Variants in RYR2 observed in about 807,000 individuals in gnomAD.
RYR2 encodes cardiac muscle ryanodine receptor-calcium release channel.
RYR2 carries 227 observed loss-of-function variants against 601.1 expected under a neutral mutation model. The ratio of observed to expected loss-of-function variants is 0.38; its 90% CI spans 0.34 to 0.42. The LOEUF (loss-of-function observed/expected upper bound fraction) is 0.42, where lower values mean the gene tolerates loss of function less well. Ranked by LOEUF, RYR2 falls within the 10% of genes least tolerant of loss-of-function variation. The probability of loss-of-function intolerance (pLI) is 1.00; values close to 1 mark genes in which losing one functional copy is unlikely to be tolerated. For missense variants in RYR2, 4,646 were observed against 6,156.5 expected, an observed-to-expected ratio of 0.75 and a Z score of 8.21; for synonymous variants, 2,223 against 2,175.1, an observed-to-expected ratio of 1.02 and a Z score of -0.61.
At chr1:237,732,408 T>C (rs1690771663) in intron 78 of RYR2, among the ~76,000 whole-genome samples, 1 of 152,322 alleles carries the variant, frequency 6.6e-6, no homozygotes, top group Middle Eastern at 3.4e-3. Flanking sequence ...ATTCTTCTTA[T>C]GAAATGGTTT....
At chr1:237,596,803 A>G (rs1404188598) in intron 34 of RYR2, among the ~76,000 whole-genome samples, 2 of 152,228 alleles carry the variant, frequency 1.3e-5, no homozygotes, top group Non-Finnish European at 2.9e-5. Context: ...CCATTTGACT[A>G]TCAGCAAGTT....
chr1:237,336,532 A>T (rs146282352), intron 3 of RYR2, among the ~76,000 whole-genome samples: 1 of 152,318 alleles, frequency 6.6e-6, no homozygotes, highest in African/African-American at 2.4e-5. Context: ...GCTTTTATGA[A>T]AAATGGAGCT....
In RYR2 at chr1:237,343,946, A is replaced by G. The variant is rs532523945; in HGVS notation, c.274-12019A>G. Among the ~76,000 whole-genome samples, 636 of 151,018 alleles carry G rather than the reference A, an allele frequency of 4.2e-3. 4 individuals are homozygous for G. The highest frequency in any genetic ancestry group is 0.015 in the African/African-American group (603 of 41,060). ...AGCGATTCTCCTGCCTCAGCCTCCC[A>G]AGTAGCTGGGATTGCAGGCACCCAC... is the stretch of plus-strand genomic sequence containing the variant. On this transcript the variant is annotated intron_variant, in intron 3 of 104. Transcript: ENST00000366574.
At chr1:237,228,010 G>A (rs532615289) in intron 1 of RYR2, among the ~76,000 whole-genome samples, 1 of 151,590 alleles carries the variant, frequency 6.6e-6, no homozygotes, top group East Asian at 1.9e-4. Flanking sequence ...TGGGGAACAT[G>A]TGGTATTTGG....
intron 2 of RYR2, among the ~76,000 whole-genome samples, chr1:237,309,665 C>A (rs981684247): frequency 1.3e-5 from 2 of 152,190 alleles, no homozygotes; most frequent in African/African-American, 4.8e-5. Context: ...TGGGACCAGG[C>A]GCCATGGAGC....
At chr1:237,150,107 G>A (rs2148810319) in intron 1 of RYR2, among the ~76,000 whole-genome samples, 1 of 152,330 alleles carries the variant, frequency 6.6e-6, no homozygotes, top group South Asian at 2.1e-4. Context: ...ACCTTATGAA[G>A]TTCTCTCATT....
chr1:237,091,279 C>T (rs1478633383), intron 1 of RYR2, among the ~76,000 whole-genome samples: 1 of 152,140 alleles, frequency 6.6e-6, no homozygotes, highest in Non-Finnish European at 1.5e-5. Context: ...AGGATTCTGA[C>T]TGAGGGATGG....
chr1:237,046,028 A>G (rs1660560028), intron 1 of RYR2, among the ~76,000 whole-genome samples: 1 of 152,146 alleles, frequency 6.6e-6, no homozygotes, highest in South Asian at 2.1e-4. Context: ...TGATCCTGAT[A>G]GGAATGCTTA....
rs11583669 is a variant in RYR2 at position 237,643,644 on chromosome 1, G to A, written c.7342+197G>A. On this transcript the variant is annotated intron_variant, in intron 48 of 104. Transcript: ENST00000366574. ...CTTTTTTTTTTTGAATTAGAGCCTTGCTCTGTAGCCCAGGCTGGAGTGCAG... is the reference window on the plus strand; with the variant it reads ...CTTTTTTTTTTTGAATTAGAGCCTTACTCTGTAGCCCAGGCTGGAGTGCAG... Among the ~76,000 whole-genome samples, 51,077 of 147,860 alleles carry A rather than the reference G, an allele frequency of 0.35. 8,887 individuals are homozygous for A. The highest frequency in any genetic ancestry group is 0.42 in the African/African-American group (16,746 of 40,036).
At chr1:237,356,051 A>G (rs753460584) in intron 4 of RYR2, 66 bp downstream of exon 4, 35 of 1,452,520 alleles carry the variant, frequency 2.4e-5, no homozygotes, top group Non-Finnish European at 3.2e-5. Context: ...CTCGCCTCTA[A>G]TCTTTCATTT....
intron 87 of RYR2, 93 bp downstream of exon 87, chr1:237,773,741 C>A: frequency 1.0e-6 from 1 of 957,984 alleles, no homozygotes; most frequent in Non-Finnish European, 1.5e-6. Context: ...CTATTGACCC[C>A]TTTCTGAGTT....
At chr1:237,553,246 G>A (rs988309678) in intron 27 of RYR2, among the ~76,000 whole-genome samples, 15 of 151,984 alleles carry the variant, frequency 9.9e-5, no homozygotes, top group African/African-American at 3.6e-4. Flanking sequence ...TAGCTTTTGT[G>A]TATGATGTAA....
chr1:237,184,668 G>A (rs2148968089), intron 1 of RYR2, among the ~76,000 whole-genome samples: 1 of 152,092 alleles, frequency 6.6e-6, no homozygotes, highest in South Asian at 2.1e-4. Flanking sequence ...GTACAATGGT[G>A]GACTTATGAA....
At chr1:237,237,228 G>C (rs1013146605) in intron 1 of RYR2, among the ~76,000 whole-genome samples, 2 of 152,178 alleles carry the variant, frequency 1.3e-5, no homozygotes, top group African/African-American at 2.4e-5. Flanking sequence ...TTATAGTGGT[G>C]TGAGAAAAGA....
chr1:237,259,690 T>C (rs1486422431), intron 1 of RYR2, among the ~76,000 whole-genome samples: 1 of 152,138 alleles, frequency 6.6e-6, no homozygotes, highest in African/African-American at 2.4e-5. Context: ...TACAGTTGAC[T>C]TCTCTGCTTG....
Position 237,792,204 on chromosome 1 carries a change from A to G in RYR2, c.13663A>G (p.Ile4555Val). Residue 4555 changes from isoleucine to valine, a missense_variant, in exon 94 of 105, where the codon ATC (isoleucine) becomes GTC (valine). Physicochemically the swap from Ile to Val is conservative, Grantham distance 29. Coordinates refer to ENST00000366574, the MANE Select transcript of RYR2 (RefSeq NM_001035.3). ...TSLDSSSHRIIAVHYVLEESS... is the reference protein window; with the variant it reads ...TSLDSSSHRIVAVHYVLEESS... ...CCTGGACAGCAGCTCCCATAGAATC[A>G]TCGCAGTTCACTATGTACTAGAGGA... 2.5e-6 allele frequency: 4 copies of G among 1,613,776 alleles called. No individual in the cohort carries two copies. Among genetic ancestry groups the G allele is most frequent in the Non-Finnish European group, 3.4e-6 (4 of 1,179,802 alleles).
At chr1:237,193,484 T>C (rs1468238283) in intron 1 of RYR2, among the ~76,000 whole-genome samples, 1 of 152,080 alleles carries the variant, frequency 6.6e-6, no homozygotes, top group African/African-American at 2.4e-5. Context: ...ATATCTTGAA[T>C]GCTTTTGAGT....
chr1:237,785,473 T>C (rs1016596831), intron 90 of RYR2, among the ~76,000 whole-genome samples: 21 of 152,274 alleles, frequency 1.4e-4, no homozygotes, highest in African/African-American at 5.1e-4. Context: ...AAAGGTAAGA[T>C]GGGGTCACTG....
At position 237,674,086 on chromosome 1, in the gene RYR2, A is replaced by T. The variant is rs1306036606; in HGVS notation, c.8591-10A>T. On this transcript the variant is annotated splice_polypyrimidine_tract_variant and intron_variant, in intron 58 of 104. Transcript: ENST00000366574. ...TACTATGCTGTGTTCTTGTCCTGAC[A>T]TACTCTTAGGAGGAGGAAACCATCC... 1 of 1,608,150 alleles carries T rather than the reference A, an allele frequency of 6.2e-7. No homozygotes were observed. Among genetic ancestry groups the T allele is most frequent in the Admixed American group, 1.7e-5 (1 of 59,614 alleles).
Sources: gnomAD v4.1 joint callset for allele counts (sites outside exome capture counted in the v4.1 genomes callset) on GRCh38, gnomAD v4.1.1 for gene constraint, MANE v1.5 for transcripts, NCBI Gene and HGNC (gene_info 2026-07-23, HGNC 2026-07-21) for gene names.